GPSM1: variants seen among roughly 807,000 people sequenced by gnomAD.
GPSM1 encodes G protein signaling modulator 1.
A neutral mutation model predicts 70.5 loss-of-function variants in GPSM1; 48 were observed. The observed-to-expected ratio is 0.68, with a 90% CI of 0.54 to 0.87. The LOEUF is 0.87. GPSM1 is among the 40% of genes least tolerant of loss of function. GPSM1 has a pLI of 0.00. For missense variants in GPSM1, 981 were observed against 972.6 expected (o/e 1.01, Z -0.11); for synonymous variants, 416 against 430.1 (o/e 0.97, Z 0.41).
rs1564346783 is a variant in GPSM1 at position 136,340,797 on chromosome 9, A to G, written c.1084-73A>G. On this transcript the variant is annotated intron_variant, in intron 8 of 13. Transcript: ENST00000440944. This position sits in a 1 kb window ranked among gnomAD's most constrained non-coding sequence, Gnocchi z 7.3. The stretch of plus-strand genomic sequence containing the variant: ...GTCAGGGACGGGTGTACTGGGGGCC[A>G]TTAAGGTCCCCTTGGAGCCCACAGC... 1.8e-5 allele frequency: 27 copies of G among 1,489,112 alleles called. No homozygotes were observed. Among genetic ancestry groups the G allele is most frequent in the Non-Finnish European group, 2.4e-5 (27 of 1,123,220 alleles). 92.2% of individuals were successfully genotyped at this position (1,489,112 alleles called of 1,614,324 possible).
intron 11 of GPSM1, among the ~76,000 whole-genome samples, chr9:136,352,419 T>G (rs1832696984): frequency 1.3e-5 from 2 of 152,246 alleles, no homozygotes; most frequent in Non-Finnish European, 2.9e-5. Flanking sequence ...CTTTGGGATC[T>G]GAGGCGGTGT....
At chr9:136,334,235 GGTGCTGGCAGAGGT>G (rs1287541462) in intron 1 of GPSM1, among the ~76,000 whole-genome samples, 198 bp from the exon 2 acceptor site, 3 of 152,214 alleles carry the variant, frequency 2.0e-5, no homozygotes, top group African/African-American at 7.2e-5. Context: ...GTGGACAGGA[GGTGCTGGCAGAGGT>G]GTGCTGGCTG....
Position 136,341,662 on chromosome 9 carries a change from C to T in GPSM1, c.1207+669C>T. ...CTGCCCCACCCATGTGTCCCCCACT[C>T]CCAAAGGTCTTGAGTTTGCCAGCCC... On this transcript the variant is annotated intron_variant, in intron 9 of 13. Transcript: ENST00000440944. The surrounding 1 kb of genome is among the most constrained non-coding windows in gnomAD (Gnocchi z 6.7). The T allele has an allele frequency of 4.0e-6, 4 of 997,514 alleles. No individual in the cohort carries two copies. The highest frequency in any genetic ancestry group is 4.8e-6 in the Non-Finnish European group (4 of 836,644). The allele number at this position is 997,514 out of a possible 1,614,324, so 61.8% of individuals were successfully genotyped here.
At chr9:136,347,773 C>T (rs28756341) in intron 9 of GPSM1, among the ~76,000 whole-genome samples, 63,276 of 152,056 alleles carry the variant, frequency 0.42, 13,256 homozygotes, top group Non-Finnish European at 0.44. Flanking sequence ...CCAGGTCTGT[C>T]GTGCCCTGGA....
intron 11 of GPSM1, among the ~76,000 whole-genome samples, chr9:136,351,131 G>C (rs966580083): frequency 6.6e-6 from 1 of 152,218 alleles, no homozygotes; most frequent in East Asian, 1.9e-4. Context: ...TGGGTGCTGG[G>C]CTGGGATTCG....
chr9:136,350,588 ATGGC>A (rs1394007340), intron 11 of GPSM1, among the ~76,000 whole-genome samples: 1 of 152,260 alleles, frequency 6.6e-6, no homozygotes, highest in Admixed American at 6.5e-5. Flanking sequence ...TGGCCTGTGC[ATGGC>A]TGCAGAGCCC....
chr9:136,341,144 G>C lies in GPSM1; in HGVS notation c.1207+151G>C. ...ACAAGCCAGTTCTTCTTGGCCTCAG[G>C]GACAGCACAGGCCTGAGGTTCACCC... On this transcript the variant is annotated intron_variant, in intron 9 of 13. Coordinates refer to ENST00000440944, the MANE Select transcript of GPSM1 (RefSeq NM_001145638.3). This position sits in a 1 kb window ranked among gnomAD's most constrained non-coding sequence, Gnocchi z 6.7. The C allele has an allele frequency of 6.5e-7, 1 of 1,550,106 alleles. No individual in the cohort carries two copies. The highest frequency in any genetic ancestry group is 8.7e-7 in the Non-Finnish European group (1 of 1,146,882).
intron 1 of GPSM1, among the ~76,000 whole-genome samples, chr9:136,334,117 T>G (rs1832168533): frequency 6.6e-6 from 1 of 152,148 alleles, no homozygotes; most frequent in African/African-American, 2.4e-5. Context: ...AGGCAGGGTA[T>G]GGGGGCCACA....
intron 7 of GPSM1, 136 bp downstream of exon 7, chr9:136,338,846 T>C (rs1554769750): frequency 3.3e-6 from 3 of 914,626 alleles, no homozygotes; most frequent in South Asian, 1.7e-5. Flanking sequence ...GCAACGCCAC[T>C]GTGGGGACTG....
chr9:136,333,986 G>A (rs782288502), intron 1 of GPSM1, among the ~76,000 whole-genome samples: 7 of 143,016 alleles, frequency 4.9e-5, no homozygotes, highest in Admixed American at 2.1e-4. Context: ...CCCCACTACC[G>A]TCTGGGAGCC....
intron 9 of GPSM1, among the ~76,000 whole-genome samples, chr9:136,344,443 C>T (rs931585141): frequency 5.4e-4 from 82 of 152,310 alleles, no homozygotes; most frequent in African/African-American, 1.4e-3. Context: ...CTGGCGAGAG[C>T]CTCTTCCGGG....
Position 136,342,427 on chromosome 9 carries a change from C to T in GPSM1, c.1207+1434C>T, listed in dbSNP as rs1444727829. ...CGCTGGAACAATGCAGCTTCTGTCC[C>T]TCTCTGGCTCCTCTGTGCCGCCCCG... On this transcript the variant is annotated intron_variant, in intron 9 of 13. Transcript: ENST00000440944. The surrounding 1 kb of genome is among the most constrained non-coding windows in gnomAD (Gnocchi z 5.5). Among the ~76,000 whole-genome samples the T allele has an allele frequency of 3.9e-5, 6 of 152,226 alleles. No homozygotes were observed. Among genetic ancestry groups the T allele is most frequent in the African/African-American group, 1.4e-4 (6 of 41,456 alleles).
chr9:136,330,564 T>C (rs1369493763), intron 1 of GPSM1, among the ~76,000 whole-genome samples: 1 of 152,000 alleles, frequency 6.6e-6, no homozygotes, highest in African/African-American at 2.4e-5. Flanking sequence ...CTCTCTCCCC[T>C]CCCCTGGCCA....
chr9:136,355,501 G>A lies in GPSM1; in HGVS notation c.1456-189G>A. 4.8e-6 allele frequency: 2 copies of A among 419,690 alleles called. 1 individual carries two copies. The highest frequency in any genetic ancestry group is 8.3e-6 in the Non-Finnish European group (2 of 240,492). The allele number at this position is 419,690 out of a possible 1,614,324, so 26.0% of individuals were successfully genotyped here. A position where few individuals can be genotyped will look rare whatever the true frequency, so the allele number is the denominator to read the frequency against. On this transcript the variant is annotated intron_variant, in intron 11 of 13. Coordinates refer to ENST00000440944, the MANE Select transcript of GPSM1 (RefSeq NM_001145638.3). ...TGCCGAGGGTGGGTGACACGTCCTG[G>A]GGGAGGGGTAGCCGGGTGCCGAGGG...
intron 2 of GPSM1, 94 bp downstream of exon 2, chr9:136,334,762 C>G (rs1449436601): frequency 1.3e-5 from 14 of 1,040,806 alleles, no homozygotes; most frequent in Non-Finnish European, 1.8e-5. Flanking sequence ...TGGGGCGGCC[C>G]TGCTGGCGCG....
In GPSM1 at chr9:136,358,810, T is replaced by A; in HGVS notation, c.*590T>A. The A allele has an allele frequency of 6.4e-6, 1 of 156,754 alleles. No individual in the cohort carries two copies. The highest frequency in any genetic ancestry group is 1.4e-5 in the Non-Finnish European group (1 of 71,472). The allele number at this position is 156,754 out of a possible 1,614,324, so 9.7% of individuals were successfully genotyped here. On this transcript the variant is annotated 3_prime_UTR_variant, in exon 14 of 14. Transcript: ENST00000440944. ...GCAGACCAGGCTGCAGTGGCAGCCCTGAGGTGCCCCCCGCCGAGTCCCAGG... is the reference window on the plus strand; with the variant it reads ...GCAGACCAGGCTGCAGTGGCAGCCCAGAGGTGCCCCCCGCCGAGTCCCAGG...
chr9:136,331,792 C>T (rs1338689703), intron 1 of GPSM1, among the ~76,000 whole-genome samples: 2 of 152,052 alleles, frequency 1.3e-5, no homozygotes, highest in African/African-American at 2.4e-5. Flanking sequence ...ACGAGGCTGA[C>T]CCAGCCTCTG....
intron 13 of GPSM1, among the ~76,000 whole-genome samples, chr9:136,356,757 G>A (rs996323328): frequency 2.6e-5 from 4 of 152,170 alleles, no homozygotes; most frequent in Non-Finnish European, 5.9e-5. Flanking sequence ...CCGGGCTGCT[G>A]GAGACACCAG....
At position 136,334,458 on chromosome 9, in the gene GPSM1, C is replaced by T; in HGVS notation, c.80C>T (p.Ser27Phe). The change falls in exon 2 of 14, where the codon TCC becomes TTC. Residue 27 changes from serine (S) to phenylalanine (F), a missense_variant. Coordinates refer to ENST00000440944, the MANE Select transcript of GPSM1 (RefSeq NM_001145638.3). Reference sequence around the variant, plus strand: ...GTTCCTCTGCACAGGATGGAGGCGTCCTGCCTAGAGCTGGCGCTGGAGGGC... The same window carrying T: ...GTTCCTCTGCACAGGATGGAGGCGTTCTGCCTAGAGCTGGCGCTGGAGGGC... The part of the protein sequence containing the change: ...ARRLYSRMEA[S>F]CLELALEGER... 2 of 1,612,114 alleles carry T rather than the reference C, an allele frequency of 1.2e-6. No homozygotes were observed. The highest frequency in any genetic ancestry group is 8.5e-7 in the Non-Finnish European group (1 of 1,179,728).
Sources: allele counts gnomAD v4.1 joint callset (sites outside exome capture counted in the v4.1 genomes callset), GRCh38; gene constraint gnomAD v4.1.1; non-coding constraint Gnocchi (gnomAD v3.1); transcripts MANE v1.5; gene names NCBI Gene and HGNC (gene_info 2026-07-23, HGNC 2026-07-21).